PIBF1: variants seen among roughly 807,000 people sequenced by gnomAD.
The protein encoded by PIBF1 is progesterone-induced-blocking factor 1.
In PIBF1, 90 loss-of-function variants were observed where a neutral mutation model predicts 112.5. The observed-to-expected ratio is 0.80, with a 90% CI of 0.67 to 0.95. The LOEUF is 0.95. Ranked by LOEUF, PIBF1 falls within the 40% of genes least tolerant of loss-of-function variation. The pLI is 0.00. For missense variants in PIBF1, 915 were observed against 852.3 expected (o/e 1.07, Z -0.92); for synonymous variants, 301 against 288.6 (o/e 1.04, Z -0.44).
intron 2 of PIBF1, among the ~76,000 whole-genome samples, chr13:72,788,591 G>A (rs548416871): frequency 1.3e-5 from 2 of 152,340 alleles, no homozygotes; most frequent in African/African-American, 4.8e-5. Context: ...GTAATAAGGA[G>A]AAGGATAGTG....
chr13:72,897,131 T>A (rs563547403), intron 11 of PIBF1, among the ~76,000 whole-genome samples: 1 of 152,196 alleles, frequency 6.6e-6, no homozygotes, highest in East Asian at 1.9e-4. Context: ...CTAGAAAGGA[T>A]TGGGGATCCC....
chr13:73,002,285 A>G (rs898861648), intron 17 of PIBF1, among the ~76,000 whole-genome samples: 1 of 152,200 alleles, frequency 6.6e-6, no homozygotes, highest in African/African-American at 2.4e-5. Flanking sequence ...GTTAAAGTAA[A>G]CTACAGGGAG....
intron 2 of PIBF1, 113 bp from the exon 3 acceptor site, chr13:72,792,334 C>T (rs1444944009): frequency 1.5e-6 from 1 of 675,916 alleles, no homozygotes; most frequent in South Asian, 1.9e-5. Flanking sequence ...TGCCTGGTCC[C>T]TCTATCCATT....
chr13:72,927,962 CAT>C (rs1201066012), intron 13 of PIBF1, among the ~76,000 whole-genome samples: 2,447 of 101,228 alleles, frequency 0.024, 93 homozygotes, highest in African/African-American at 0.078. Flanking sequence ...TATATATACA[CAT>C]ATATATATAT....
chr13:73,014,473 G>T (rs886545595), intron 17 of PIBF1, among the ~76,000 whole-genome samples: 14 of 152,148 alleles, frequency 9.2e-5, no homozygotes. Flanking sequence ...ATATTATTAT[G>T]ATACTATAAT....
chr13:72,789,363 T>C (rs989458687), intron 2 of PIBF1, among the ~76,000 whole-genome samples: 4 of 152,040 alleles, frequency 2.6e-5, no homozygotes, highest in Non-Finnish European at 5.9e-5. Flanking sequence ...TTTTTTAATT[T>C]TTTTGTAGAA....
At chr13:72,804,511 C>G (rs1254197033) in intron 5 of PIBF1, among the ~76,000 whole-genome samples, 1 of 152,086 alleles carries the variant, frequency 6.6e-6, no homozygotes, top group Non-Finnish European at 1.5e-5. Context: ...ACATTCCTTC[C>G]CATTAGGTAT....
intron 10 of PIBF1, among the ~76,000 whole-genome samples, chr13:72,872,196 G>T (rs371709781): frequency 2.0e-5 from 3 of 152,296 alleles, no homozygotes; most frequent in African/African-American, 2.4e-5. Flanking sequence ...GTTACATAAT[G>T]TGTTAAATAT....
rs2036074803 is a variant in PIBF1 at position 72,812,651 on chromosome 13, G to A, written c.673-9198G>A. Among the ~76,000 whole-genome samples, 3 of 152,080 alleles carry A rather than the reference G, an allele frequency of 2.0e-5. No homozygotes were observed. In the South Asian group the frequency reaches 6.2e-4, roughly 32 times the overall value. ...ATACAAAAATTAGCTGGGTGTGGTG[G>A]TGCAGGCCTGTAGTCCCAGCTACTC... is the stretch of plus-strand genomic sequence containing the variant. On this transcript the variant is annotated intron_variant, in intron 5 of 17. Coordinates refer to ENST00000326291, the MANE Select transcript of PIBF1 (RefSeq NM_006346.4).
At chr13:72,905,313 A>G (rs1209747133) in intron 11 of PIBF1, among the ~76,000 whole-genome samples, 1 of 151,756 alleles carries the variant, frequency 6.6e-6, no homozygotes, top group African/African-American at 2.4e-5. Flanking sequence ...TGATCCGCAC[A>G]TCTCAGCCTC....
intron 12 of PIBF1, among the ~76,000 whole-genome samples, chr13:72,910,346 C>T (rs1566436822): frequency 6.6e-6 from 1 of 152,088 alleles, no homozygotes; most frequent in South Asian, 2.1e-4. Flanking sequence ...CATGATTAGA[C>T]TCATGTTTAT....
intron 9 of PIBF1, among the ~76,000 whole-genome samples, chr13:72,846,021 C>T (rs1423856016): frequency 6.6e-6 from 1 of 152,162 alleles, no homozygotes; most frequent in Non-Finnish European, 1.5e-5. Flanking sequence ...TAGTGTCACA[C>T]ACTATTAAAT....
At chr13:72,880,187 T>G (rs1363505484) in intron 10 of PIBF1, among the ~76,000 whole-genome samples, 1 of 152,220 alleles carries the variant, frequency 6.6e-6, no homozygotes, top group Non-Finnish European at 1.5e-5. Flanking sequence ...ATTATGACTT[T>G]GAACGGGTAA....
At chr13:72,974,605 C>T (rs1329703951) in intron 16 of PIBF1, among the ~76,000 whole-genome samples, 1 of 152,182 alleles carries the variant, frequency 6.6e-6, no homozygotes, top group Non-Finnish European at 1.5e-5. Context: ...AGGTGTGAGC[C>T]TGTACATACA....
At chr13:72,906,214 T>G (rs2040698934) in intron 11 of PIBF1, among the ~76,000 whole-genome samples, 1 of 152,138 alleles carries the variant, frequency 6.6e-6, no homozygotes, top group Non-Finnish European at 1.5e-5. Flanking sequence ...AATTTGGAGA[T>G]TATTTATTTT....
At chr13:72,972,456 G>T (rs1360643557) in intron 15 of PIBF1, among the ~76,000 whole-genome samples, 1 of 152,136 alleles carries the variant, frequency 6.6e-6, no homozygotes, top group Non-Finnish European at 1.5e-5. Context: ...GTGAGGTCAG[G>T]AATTCGAGAC....
In PIBF1 at chr13:72,783,562, GGAT is replaced by G. The variant is rs1222617511; in HGVS notation, c.97_99del (p.Asp33del). 4 of 1,613,664 alleles carry G rather than the reference GGAT, an allele frequency of 2.5e-6. No individual in the cohort carries two copies. Among genetic ancestry groups the G allele is most frequent in the Admixed American group, 1.7e-5 (1 of 60,004 alleles). On this transcript the variant is annotated inframe_deletion, in exon 2 of 18. Coordinates refer to ENST00000326291, the MANE Select transcript of PIBF1 (RefSeq NM_006346.4). ...TTAGTTTAGAAACAACAGTTCCTAC[GGAT>G]GATATTTCCTCATCAGAAGAGCGAG...
intron 17 of PIBF1, among the ~76,000 whole-genome samples, chr13:73,013,662 G>A (rs2325478): frequency 0.24 from 35,272 of 148,378 alleles, 4,456 homozygotes; most frequent in Non-Finnish European, 0.28. Context: ...ACTTGAGCCC[G>A]AGAGGTTGAG....
intron 11 of PIBF1, among the ~76,000 whole-genome samples, chr13:72,906,054 G>A (rs1594167698): frequency 1.3e-5 from 2 of 152,174 alleles, no homozygotes; most frequent in Middle Eastern, 3.4e-3. Flanking sequence ...GAATAATGTA[G>A]TATCATAGTT....
Sources: allele counts gnomAD v4.1 joint callset (sites outside exome capture counted in the v4.1 genomes callset), GRCh38; gene constraint gnomAD v4.1.1; transcripts MANE v1.5; gene names NCBI Gene and HGNC (gene_info 2026-07-23, HGNC 2026-07-21).